CFAP43: variants seen among roughly 807,000 people sequenced by gnomAD.
CFAP43 encodes cilia and flagella associated protein 43, also known as cilia- and flagella-associated protein 43.
In CFAP43, 155 loss-of-function variants were observed where a neutral mutation model predicts 218.9. The ratio of observed to expected loss-of-function variants is 0.71; its 90% CI spans 0.62 to 0.81. The LOEUF (loss-of-function observed/expected upper bound fraction) is 0.81, where lower values mean the gene tolerates loss of function less well. CFAP43 is among the 30% of genes least tolerant of loss of function. The pLI is 0.00. For synonymous variants in CFAP43, 645 were observed against 681.3 expected, an observed-to-expected ratio of 0.95 and a Z score of 0.83; for missense variants, 1,778 against 1,954.3, an observed-to-expected ratio of 0.91 and a Z score of 1.70.
chr10:104,232,267 G>A lies in CFAP43; in HGVS notation c.-21C>T, dbSNP rs575766461. ...GCCATGGGCAGTGTTTTCCTCAGGC[G>A]GGAGCAGGCAGCGCACGCAGCACCC... On this transcript the variant is annotated 5_prime_UTR_variant, in exon 1 of 38. Transcript: ENST00000357060. 2 of 1,589,446 alleles carry A rather than the reference G, an allele frequency of 1.3e-6. No homozygotes were observed. The highest frequency in any genetic ancestry group is 1.3e-5 in the African/African-American group (1 of 74,410).
chr10:104,196,964 T>C (rs373129527), intron 9 of CFAP43, 31 bp from the exon 10 acceptor site: 35 of 1,572,088 alleles, frequency 2.2e-5, no homozygotes, highest in Non-Finnish European at 2.9e-5. Context: ...AAACTCTACA[T>C]GGAAAATAAG....
chr10:104,132,613 T>C, intron 35 of CFAP43: 1 of 983,560 alleles, frequency 1.0e-6, no homozygotes, highest in Non-Finnish European at 1.2e-6. Context: ...AAACCCCATC[T>C]CAAAAAAAAC....
In CFAP43 at chr10:104,136,258, C is replaced by CAAAAA. The variant is rs368792618; in HGVS notation, c.4432-2479_4432-2475dup. The stretch of plus-strand genomic sequence containing the variant: ...AGAGCGAGAATCCATTTCTCCATTT[C>CAAAAA]AAAAAAAAAAAAAAAAAAAAGAAGA... On this transcript the variant is annotated intron_variant, in intron 34 of 37. Transcript: ENST00000357060. Among the ~76,000 whole-genome samples the CAAAAA allele has an allele frequency of 6.6e-4, 57 of 85,994 alleles. 1 individual carries two copies. The highest frequency in any genetic ancestry group is 9.5e-4 in the Non-Finnish European group (48 of 50,484). The allele number at this position is 85,994 out of a possible 152,430, so 56.4% of individuals were successfully genotyped here.
At chr10:104,229,317 A>G (rs958644726) in intron 2 of CFAP43, among the ~76,000 whole-genome samples, 1 of 152,146 alleles carries the variant, frequency 6.6e-6, no homozygotes, top group African/African-American at 2.4e-5. Flanking sequence ...TGGTGGCTCC[A>G]GCAGACGTGC....
At position 104,179,866 on chromosome 10, in the gene CFAP43, G is replaced by A. The variant is rs747554134; in HGVS notation, c.2356C>T (p.Pro786Ser). The A allele has an allele frequency of 2.1e-5, 34 of 1,613,380 alleles. No individual in the cohort carries two copies. The highest frequency in any genetic ancestry group is 5.0e-5 in the Admixed American group (3 of 59,906). Residue 786 changes from proline (P) to serine (S), a missense_variant, in exon 18 of 38, where the codon CCT becomes TCT. This residue lies in a region of CFAP43 where 1,553 missense variants were observed against 1,685.2 expected (regional missense o/e 0.92). Transcript: ENST00000357060. ...LVLTDVKKEI[P>S]WIQQKSQEAI... ...TCTTGGCTTTTTTGTTGTATCCAAG[G>A]AATTTCCTTCTTAACATCGGTTAGA...
chr10:104,148,961 G>A (rs1190307616), intron 28 of CFAP43, among the ~76,000 whole-genome samples: 2 of 152,006 alleles, frequency 1.3e-5, no homozygotes, highest in South Asian at 2.1e-4. Flanking sequence ...GTTTACCTAC[G>A]TAACAAACCT....
rs141829116 is a variant in CFAP43 at position 104,226,974 on chromosome 10, C to T, written c.320-1417G>A. Among the ~76,000 whole-genome samples the T allele has an allele frequency of 3.7e-4, 57 of 152,104 alleles. No individual in the cohort carries two copies. The East Asian group carries it at 7.9e-3, about 21-fold the overall frequency. On this transcript the variant is annotated intron_variant, in intron 2 of 37. Coordinates refer to ENST00000357060, the MANE Select transcript of CFAP43 (RefSeq NM_025145.7). ...CGGAAGTTGCAGTGAGCCAAGACTG[C>T]GCCACTGCACTCCAGCCTGGGGGAC...
chr10:104,187,816 C>T (rs935096858), intron 13 of CFAP43, among the ~76,000 whole-genome samples: 1 of 152,220 alleles, frequency 6.6e-6, no homozygotes, highest in Admixed American at 6.5e-5. Flanking sequence ...CGGCTCTCTT[C>T]TGCTCTATAA....
chr10:104,167,284 A>G (rs1318862852), intron 22 of CFAP43, among the ~76,000 whole-genome samples: 1 of 152,172 alleles, frequency 6.6e-6, no homozygotes, highest in East Asian at 1.9e-4. Flanking sequence ...AATTATCTTA[A>G]AATACAATCC....
intron 27 of CFAP43, among the ~76,000 whole-genome samples, chr10:104,160,569 C>G (rs777650359): frequency 6.6e-6 from 1 of 152,200 alleles, no homozygotes; most frequent in Non-Finnish European, 1.5e-5. Flanking sequence ...AGCAGAACTG[C>G]ACTGTAAAAA....
At chr10:104,153,824 A>G (rs1213189358) in intron 27 of CFAP43, among the ~76,000 whole-genome samples, 3 of 120,230 alleles carry the variant, frequency 2.5e-5, no homozygotes, top group East Asian at 4.6e-4. Flanking sequence ...CCCCCTACCT[A>G]TCTACTTTCT....
At chr10:104,223,544 A>C (rs1477591991) in intron 3 of CFAP43, among the ~76,000 whole-genome samples, 4 of 152,208 alleles carry the variant, frequency 2.6e-5, no homozygotes. Context: ...AGTCTGTTAC[A>C]CTAACACATT....
At chr10:104,195,936 T>C (rs1483243101) in intron 10 of CFAP43, among the ~76,000 whole-genome samples, 3 of 152,244 alleles carry the variant, frequency 2.0e-5, no homozygotes, top group Non-Finnish European at 2.9e-5. Context: ...AGGGCTGAGT[T>C]TGTGCATTAA....
At chr10:104,224,850 C>T (rs1360735777) in intron 3 of CFAP43, among the ~76,000 whole-genome samples, 2 of 151,626 alleles carry the variant, frequency 1.3e-5, no homozygotes, top group Non-Finnish European at 2.9e-5. Flanking sequence ...AGTATGTTAT[C>T]CTTTAATCAT....
At chr10:104,136,531 C>T (rs866847857) in intron 34 of CFAP43, among the ~76,000 whole-genome samples, 6 of 151,574 alleles carry the variant, frequency 4.0e-5, no homozygotes, top group African/African-American at 7.3e-5. Flanking sequence ...CCACCATGCC[C>T]GGCTAATTTT....
chr10:104,134,782 G>A (rs1222455711), intron 34 of CFAP43, among the ~76,000 whole-genome samples: 1 of 152,124 alleles, frequency 6.6e-6, no homozygotes, highest in African/African-American at 2.4e-5. Flanking sequence ...AGGCTTCACT[G>A]ATGAATTCTA....
chr10:104,135,107 A>G, intron 34 of CFAP43, among the ~76,000 whole-genome samples: 1 of 152,176 alleles, frequency 6.6e-6, no homozygotes, highest in East Asian at 1.9e-4. Context: ...TCATTAACAG[A>G]ACAAATTTAA....
intron 3 of CFAP43, among the ~76,000 whole-genome samples, chr10:104,220,921 C>A (rs1295285549): frequency 6.6e-6 from 1 of 151,738 alleles, no homozygotes; most frequent in Non-Finnish European, 1.5e-5. Flanking sequence ...TATGTAACCA[C>A]TACTTTTTCT....
At chr10:104,175,241 T>G (rs1299691999) in intron 19 of CFAP43, among the ~76,000 whole-genome samples, 2 of 152,052 alleles carry the variant, frequency 1.3e-5, no homozygotes, top group Non-Finnish European at 2.9e-5. Context: ...CTGGGCATCA[T>G]AGGGAGACCC....
Sources: gnomAD v4.1 joint callset for allele counts (sites outside exome capture counted in the v4.1 genomes callset) on GRCh38, gnomAD v4.1.1 for gene constraint, gnomAD v4.1.1 regional missense constraint, MANE v1.5 for transcripts, NCBI Gene and HGNC (gene_info 2026-07-23, HGNC 2026-07-21) for gene names.